The following PLD5 variants were observed in gnomAD, a reference collection of about 807,000 sequenced individuals.
The protein encoded by PLD5 is inactive phospholipase D5.
A neutral mutation model predicts 61.1 loss-of-function variants in PLD5; 36 were observed. That is an observed-to-expected ratio of 0.59 (90% CI 0.45 to 0.78). PLD5 has a LOEUF of 0.78. PLD5 is among the 30% of genes least tolerant of loss of function. The pLI, the probability that PLD5 is intolerant of heterozygous loss-of-function variation, is 0.00. For synonymous variants in PLD5, 243 were observed against 242.8 expected (o/e 1.00, Z -0.01); for missense variants, 515 against 644.4 (o/e 0.80, Z 2.17).
intron 1 of PLD5, among the ~76,000 whole-genome samples, chr1:242,481,636 G>C (rs538795381): frequency 1.3e-5 from 2 of 152,350 alleles, no homozygotes; most frequent in South Asian, 4.1e-4. Flanking sequence ...TCTGGGGGCA[G>C]GGCATAGCCA....
chr1:242,234,111 A>C (rs927335562), intron 4 of PLD5, among the ~76,000 whole-genome samples: 4 of 152,228 alleles, frequency 2.6e-5, no homozygotes, highest in African/African-American at 9.6e-5. Context: ...CAATAGTTTC[A>C]ATATTTATTC....
At chr1:242,264,508 C>G (rs972057495) in intron 4 of PLD5, among the ~76,000 whole-genome samples, 2 of 152,102 alleles carry the variant, frequency 1.3e-5, no homozygotes, top group African/African-American at 4.8e-5. Context: ...GAAGGAATTG[C>G]CACTTAAAAA....
chr1:242,508,225 T>G (rs924650621), intron 1 of PLD5, among the ~76,000 whole-genome samples: 12 of 151,070 alleles, frequency 7.9e-5, no homozygotes, highest in African/African-American at 2.7e-4. Flanking sequence ...AAAAAAAAAT[T>G]AGCTGGGCAT....
chr1:242,182,283 T>C (rs1005615517), intron 5 of PLD5, among the ~76,000 whole-genome samples: 4 of 152,242 alleles, frequency 2.6e-5, no homozygotes, highest in Non-Finnish European at 2.9e-5. Flanking sequence ...AACTTTCTGA[T>C]ACTTGGCCAT....
At chr1:242,440,302 G>T (rs1025423593) in intron 1 of PLD5, among the ~76,000 whole-genome samples, 1 of 152,198 alleles carries the variant, frequency 6.6e-6, no homozygotes, top group South Asian at 2.1e-4. Flanking sequence ...GCATGTAGGA[G>T]CTTGAAAGTT....
At chr1:242,527,114 C>CTTTTTTTTTTTTTTTTTTTTTTTTTT (rs530334746), upstream of PLD5, among the ~76,000 whole-genome samples, 7 of 71,980 alleles carry the variant, frequency 9.7e-5, 2 homozygotes, top group Non-Finnish European at 1.8e-4. Context: ...CTATCTCCTT[C>CTTTTTTTTTTTTTTTTTTTTTTTTTT]TTTTTTTTTT....
At chr1:242,271,455 A>G (rs1674078411) in intron 3 of PLD5, among the ~76,000 whole-genome samples, 1 of 152,222 alleles carries the variant, frequency 6.6e-6, no homozygotes, top group Non-Finnish European at 1.5e-5. Context: ...ATTCTGTAAA[A>G]TTACTTAACA....
chr1:242,290,137 A>G (rs1038111662), intron 2 of PLD5, among the ~76,000 whole-genome samples: 124 of 149,896 alleles, frequency 8.3e-4, no homozygotes, highest in African/African-American at 2.9e-3. Flanking sequence ...AGCCTATCTC[A>G]TATGTACTGA....
At chr1:242,389,069 A>T (rs1321366349) in intron 1 of PLD5, among the ~76,000 whole-genome samples, 1 of 150,080 alleles carries the variant, frequency 6.7e-6, no homozygotes, top group Non-Finnish European at 1.5e-5. Flanking sequence ...AAAAAAAAAA[A>T]TCATTGAGAA....
intron 4 of PLD5, among the ~76,000 whole-genome samples, chr1:242,248,235 GCAA>G (rs1672501615): frequency 6.6e-6 from 1 of 152,182 alleles, no homozygotes; most frequent in African/African-American, 2.4e-5. Context: ...AAACGAGACA[GCAA>G]TCATGTTGTA....
At chr1:242,513,841 A>G (rs895631346) in intron 1 of PLD5, among the ~76,000 whole-genome samples, 5 of 152,222 alleles carry the variant, frequency 3.3e-5, no homozygotes, top group Admixed American at 3.3e-4. Flanking sequence ...GTGGCACTCA[A>G]TAAACGTTTC....
chr1:242,308,794 A>C (rs1176289286), intron 2 of PLD5, among the ~76,000 whole-genome samples: 4 of 152,336 alleles, frequency 2.6e-5, no homozygotes, highest in Middle Eastern at 3.4e-3. Flanking sequence ...AAAGGGAAAC[A>C]GTAATAGCCT....
intron 3 of PLD5, among the ~76,000 whole-genome samples, chr1:242,270,697 A>G (rs989393995): frequency 7.2e-5 from 11 of 152,236 alleles, no homozygotes; most frequent in African/African-American, 2.4e-4. Context: ...TTAGCCCTAT[A>G]TGAGTGTTCC....
intron 1 of PLD5, among the ~76,000 whole-genome samples, chr1:242,357,746 C>G (rs1660837793): frequency 6.6e-6 from 1 of 152,056 alleles, no homozygotes; most frequent in Non-Finnish European, 1.5e-5. Context: ...CTTGGTCTCC[C>G]AAAGTGCTGG....
At chr1:242,286,703 G>A (rs2439061) in intron 3 of PLD5, among the ~76,000 whole-genome samples, 2 of 152,040 alleles carry the variant, frequency 1.3e-5, no homozygotes, top group Non-Finnish European at 1.5e-5. Flanking sequence ...TTTGGACTTC[G>A]CTCTCTTGTG....
intron 4 of PLD5, among the ~76,000 whole-genome samples, chr1:242,241,918 G>A (rs1449287864): frequency 6.8e-5 from 7 of 102,606 alleles, no homozygotes; most frequent in Non-Finnish European, 9.6e-5. Flanking sequence ...TATACTTACT[G>A]TATATATATA....
At chr1:242,475,483 T>A (rs1572211125) in intron 1 of PLD5, among the ~76,000 whole-genome samples, 1 of 150,310 alleles carries the variant, frequency 6.7e-6, no homozygotes, top group East Asian at 2.0e-4. Context: ...GGGAATGAAG[T>A]CTCTACCAAC....
At chr1:242,466,892 CAAA>C (rs10716134) in intron 1 of PLD5, among the ~76,000 whole-genome samples, 2 of 141,634 alleles carry the variant, frequency 1.4e-5, no homozygotes, top group Non-Finnish European at 1.5e-5. Flanking sequence ...GACTCCATCT[CAAA>C]AAAAAAAAAA....
chr1:242,529,969 G>A, the PLD5 span, among the ~76,000 whole-genome samples: 61,352 of 151,904 alleles, frequency 0.4, 13,460 homozygotes, highest in African/African-American at 0.58. Context: ...CCTGGGTTCA[G>A]GCGATTCTCC....
Sources: allele counts gnomAD v4.1 joint callset (sites outside exome capture counted in the v4.1 genomes callset), GRCh38; gene constraint gnomAD v4.1.1; transcripts MANE v1.5; gene names NCBI Gene and HGNC (gene_info 2026-07-23, HGNC 2026-07-21).